Variants in L3MBTL3 observed in about 807,000 individuals in gnomAD.
The protein encoded by L3MBTL3 is L3MBTL histone methyl-lysine binding protein 3, also known as lethal(3)malignant brain tumor-like protein 3.
In L3MBTL3, 27 loss-of-function variants were observed where a neutral mutation model predicts 102.3. The ratio of observed to expected loss-of-function variants is 0.26; its 90% CI spans 0.19 to 0.36. The LOEUF (loss-of-function observed/expected upper bound fraction) is 0.36. Ranked by LOEUF, L3MBTL3 falls within the 10% of genes least tolerant of loss-of-function variation. L3MBTL3 has a pLI of 1.00. For synonymous variants in L3MBTL3, 340 were observed against 320.9 expected, an observed-to-expected ratio of 1.06 and a Z score of -0.64; for missense variants, 798 against 955.3, an observed-to-expected ratio of 0.84 and a Z score of 2.17.
chr6:130,043,321 G>T (rs1291130456), intron 3 of L3MBTL3, among the ~76,000 whole-genome samples: 4 of 152,126 alleles, frequency 2.6e-5, no homozygotes, highest in Non-Finnish European at 5.9e-5. Flanking sequence ...TCAAAATCGG[G>T]TTCTTCCTGT....
intron 18 of L3MBTL3, among the ~76,000 whole-genome samples, chr6:130,098,903 C>T (rs1358986939): frequency 2.8e-5 from 4 of 140,426 alleles, no homozygotes; most frequent in Admixed American, 2.2e-4. Flanking sequence ...TTTGTCAGGA[C>T]AGAGTGCGAA....
chr6:130,124,818 A>C (rs1056451910), intron 20 of L3MBTL3, among the ~76,000 whole-genome samples: 1 of 152,076 alleles, frequency 6.6e-6, no homozygotes, highest in Non-Finnish European at 1.5e-5. Flanking sequence ...TAAAAATACG[A>C]AATCAGCCGG....
At chr6:130,095,402 A>G (rs1784306768) in intron 18 of L3MBTL3, among the ~76,000 whole-genome samples, 1 of 152,192 alleles carries the variant, frequency 6.6e-6, no homozygotes, top group African/African-American at 2.4e-5. Flanking sequence ...TATGAGGTTC[A>G]GTATGTTCCA....
At chr6:130,023,981 A>G (rs377757074) in intron 2 of L3MBTL3, among the ~76,000 whole-genome samples, 1 of 152,172 alleles carries the variant, frequency 6.6e-6, no homozygotes, top group Admixed American at 6.5e-5. Flanking sequence ...TTTATCCCAA[A>G]CTAGTCATTT....
intron 7 of L3MBTL3, among the ~76,000 whole-genome samples, chr6:130,054,897 C>CGGTCA (rs1341338753): frequency 2.6e-5 from 4 of 152,156 alleles, no homozygotes; most frequent in Non-Finnish European, 5.9e-5. Context: ...CAGAGCAGAG[C>CGGTCA]GGTCACGCAG....
intron 16 of L3MBTL3, among the ~76,000 whole-genome samples, chr6:130,086,827 T>G (rs1174294741): frequency 6.6e-6 from 1 of 152,236 alleles, no homozygotes; most frequent in Non-Finnish European, 1.5e-5. Flanking sequence ...TGTTTCTTAC[T>G]TCAGCATTAA....
intron 17 of L3MBTL3, 49 bp from the exon 18 acceptor site, chr6:130,094,216 T>C: frequency 2.8e-6 from 4 of 1,446,228 alleles, no homozygotes; most frequent in Non-Finnish European, 3.9e-6. Flanking sequence ...TCTTCACAGA[T>C]TTTTGCTTAA....
At chr6:130,098,149 TAAAC>T (rs983088718) in intron 18 of L3MBTL3, among the ~76,000 whole-genome samples, 2 of 152,164 alleles carry the variant, frequency 1.3e-5, no homozygotes, top group African/African-American at 4.8e-5. Flanking sequence ...TTGGAGAAAT[TAAAC>T]AAGAAAAGAG....
At chr6:130,060,767 A>G (rs930873721) in intron 10 of L3MBTL3, among the ~76,000 whole-genome samples, 1 of 151,996 alleles carries the variant, frequency 6.6e-6, no homozygotes, top group Non-Finnish European at 1.5e-5. Flanking sequence ...GACCAAGTCA[A>G]TTATACATAC....
chr6:130,059,774 G>A (rs993735818), intron 9 of L3MBTL3, among the ~76,000 whole-genome samples: 1 of 152,060 alleles, frequency 6.6e-6, no homozygotes, highest in Non-Finnish European at 1.5e-5. Context: ...ATTTTACTTT[G>A]TATGTCTCTT....
intron 20 of L3MBTL3, among the ~76,000 whole-genome samples, chr6:130,132,885 TCTG>T (rs1787214013): frequency 6.6e-6 from 1 of 152,218 alleles, no homozygotes; most frequent in Non-Finnish European, 1.5e-5. Context: ...CATTTGCATT[TCTG>T]CTGTTTTATT....
intron 20 of L3MBTL3, among the ~76,000 whole-genome samples, chr6:130,125,462 C>A (rs1786534161): frequency 6.6e-6 from 1 of 152,160 alleles, no homozygotes; most frequent in East Asian, 1.9e-4. Context: ...TTTTCTAGAA[C>A]TTTTTATCAG....
intron 20 of L3MBTL3, among the ~76,000 whole-genome samples, chr6:130,122,935 ATAG>A (rs1484563702): frequency 6.6e-6 from 1 of 152,194 alleles, no homozygotes; most frequent in Non-Finnish European, 1.5e-5. Context: ...ACTCTTATTA[ATAG>A]TAGTAGTATT....
intron 18 of L3MBTL3, among the ~76,000 whole-genome samples, chr6:130,099,972 C>T (rs1325035445): frequency 1.3e-5 from 2 of 152,188 alleles, no homozygotes; most frequent in African/African-American, 4.8e-5. Flanking sequence ...ATGGTACTCT[C>T]AGATCAAGTT....
chr6:130,067,865 A>G (rs1046971305), intron 11 of L3MBTL3, among the ~76,000 whole-genome samples: 1 of 152,158 alleles, frequency 6.6e-6, no homozygotes, highest in African/African-American at 2.4e-5. Flanking sequence ...TAAACCTTAA[A>G]TTGTCCTTCT....
At chr6:130,032,907 C>T (rs373761900) in intron 2 of L3MBTL3, among the ~76,000 whole-genome samples, 3 of 151,940 alleles carry the variant, frequency 2.0e-5, no homozygotes, top group East Asian at 3.9e-4. Context: ...GTGGTAGGAC[C>T]GCTTGAGCCC....
At chr6:130,039,374 T>C (rs530980130) in intron 2 of L3MBTL3, among the ~76,000 whole-genome samples, 1 of 152,260 alleles carries the variant, frequency 6.6e-6, no homozygotes, top group African/African-American at 2.4e-5. Flanking sequence ...GCATTCATAC[T>C]TTCCTTCCTA....
At chr6:130,064,308 C>T (rs765088764) in intron 10 of L3MBTL3, among the ~76,000 whole-genome samples, 6 of 152,114 alleles carry the variant, frequency 3.9e-5, no homozygotes, top group Non-Finnish European at 7.4e-5. Context: ...ACTAGAGTTT[C>T]TGTTGAGATT....
chr6:130,120,258 G>A (rs749731008), intron 19 of L3MBTL3, among the ~76,000 whole-genome samples: 4 of 152,034 alleles, frequency 2.6e-5, no homozygotes, highest in South Asian at 2.1e-4. Flanking sequence ...ACCCGTTTTT[G>A]CCCTTGACAT....
Sources: allele counts gnomAD v4.1 joint callset (sites outside exome capture counted in the v4.1 genomes callset), GRCh38; gene constraint gnomAD v4.1.1; transcripts MANE v1.5; gene names NCBI Gene and HGNC (gene_info 2026-07-23, HGNC 2026-07-21).